Variants in HIVEP1 observed in about 807,000 individuals in gnomAD.
HIVEP1 encodes the protein zinc finger protein 40.
HIVEP1 carries 36 observed loss-of-function variants against 180.0 expected under a neutral mutation model. That is an observed-to-expected ratio of 0.20 (90% confidence interval 0.15 to 0.26). The LOEUF (loss-of-function observed/expected upper bound fraction) is 0.26. HIVEP1 is among the 10% of genes least tolerant of loss of function. The pLI is 1.00. For synonymous variants in HIVEP1, 1,239 were observed against 1,239.0 expected (o/e 1.00, Z 0.00); for missense variants, 3,143 against 3,268.7 (o/e 0.96, Z 0.94).
chr6:12,012,628 G>A (rs1273267907), intron 1 of HIVEP1, 62 bp downstream of exon 1: 6 of 149,032 alleles, frequency 4.0e-5, no homozygotes, highest in South Asian at 2.1e-4. Context: ...GCGGAGGGGG[G>A]GGGGGGCAGG....
chr6:12,020,468 T>G (rs765716318), intron 2 of HIVEP1: 1 of 470,918 alleles, frequency 2.1e-6, no homozygotes, highest in Non-Finnish European at 4.4e-6. Flanking sequence ...CATTCCTTAC[T>G]CATCGCTGCT....
intron 2 of HIVEP1, among the ~76,000 whole-genome samples, chr6:12,067,835 T>C (rs1771699850): frequency 6.6e-6 from 1 of 152,094 alleles, no homozygotes; most frequent in Non-Finnish European, 1.5e-5. Flanking sequence ...CCCAATGTAG[T>C]CTTGAGGAAT....
chr6:12,056,001 T>C (rs2113735053), intron 2 of HIVEP1, among the ~76,000 whole-genome samples: 1 of 152,340 alleles, frequency 6.6e-6, no homozygotes, highest in East Asian at 1.9e-4. Context: ...TATATGCGCT[T>C]GCTCAGCACC....
chr6:12,203,114 C>G, the HIVEP1 span, among the ~76,000 whole-genome samples: 3 of 152,282 alleles, frequency 2.0e-5, no homozygotes, highest in Middle Eastern at 3.4e-3. Flanking sequence ...CTATGTTATC[C>G]CAGAAGAAGT....
intron 2 of HIVEP1, 147 bp from the exon 3 acceptor site, chr6:12,089,037 C>T (rs1218389903): frequency 2.5e-5 from 12 of 478,036 alleles, no homozygotes; most frequent in Admixed American, 7.9e-5. Context: ...ATATATCCTT[C>T]AACAGTTTAT....
chr6:12,186,268 A>G, the HIVEP1 span, among the ~76,000 whole-genome samples: 2 of 150,494 alleles, frequency 1.3e-5, no homozygotes, highest in African/African-American at 4.9e-5. Flanking sequence ...TATTAATAAT[A>G]CATATATACA....
Position 12,161,726 on chromosome 6 carries a change from G to A in HIVEP1, c.6775G>A (p.Val2259Ile). 5 of 1,614,178 alleles carry A rather than the reference G, an allele frequency of 3.1e-6. No individual in the cohort carries two copies. The highest frequency in any genetic ancestry group is 1.7e-5 in the Admixed American group (1 of 60,030). The part of the protein sequence containing the change: ...LPRALLTRMT[V>I]LSTAQSDYNR... ...CAGGGCGCTGCTCACCAGAATGACT[G>A]TCCTGAGCACAGCACAGTCTGACTA... Residue 2259 changes from valine to isoleucine, a missense_variant, in exon 8 of 9, where the codon GTC (valine) becomes ATC (isoleucine). Val to Ile is a conservative substitution (Grantham distance 29). Around this residue, in one of 12 missense-constraint regions of HIVEP1, gnomAD observed 595 missense variants for 602.2 expected, o/e 0.99. Coordinates refer to ENST00000379388, the MANE Select transcript of HIVEP1 (RefSeq NM_002114.4).
intron 2 of HIVEP1, among the ~76,000 whole-genome samples, chr6:12,078,937 T>C (rs909588386): frequency 6.6e-5 from 10 of 152,086 alleles, no homozygotes; most frequent in African/African-American, 2.2e-4. Flanking sequence ...CCCGTGTGTG[T>C]GCGTGCGTGT....
At chr6:12,104,810 A>G (rs978889469) in intron 3 of HIVEP1, among the ~76,000 whole-genome samples, 4 of 151,880 alleles carry the variant, frequency 2.6e-5, no homozygotes, top group African/African-American at 9.7e-5. Context: ...TCAATTCTGT[A>G]ATTTATATTT....
the HIVEP1 span, among the ~76,000 whole-genome samples, chr6:12,202,310 T>C: frequency 6.6e-6 from 1 of 151,520 alleles, no homozygotes; most frequent in Non-Finnish European, 1.5e-5. Flanking sequence ...CTAATTTTTT[T>C]TTTCTTTTGG....
chr6:12,131,624 AGG>A (rs1184493465), intron 6 of HIVEP1, among the ~76,000 whole-genome samples: 2 of 151,788 alleles, frequency 1.3e-5, no homozygotes. Context: ...TACATATAAT[AGG>A]TATACTACTT....
chr6:12,008,390 C>T (rs1265037717), upstream of HIVEP1: 3 of 152,168 alleles, frequency 2.0e-5, no homozygotes, highest in Non-Finnish European at 4.4e-5. Context: ...GTTTGTGCTA[C>T]GGGTGGAGGG....
At chr6:12,075,595 T>A (rs547644663) in intron 2 of HIVEP1, among the ~76,000 whole-genome samples, 1 of 152,120 alleles carries the variant, frequency 6.6e-6, no homozygotes, top group Non-Finnish European at 1.5e-5. Context: ...TGGGCCTTTT[T>A]TTTTTTTCTA....
the HIVEP1 span, among the ~76,000 whole-genome samples, chr6:12,186,271 T>G: frequency 6.6e-6 from 1 of 150,464 alleles, no homozygotes; most frequent in Non-Finnish European, 1.5e-5. Flanking sequence ...TAATAATACA[T>G]ATATACATAT....
intron 7 of HIVEP1, among the ~76,000 whole-genome samples, chr6:12,143,120 G>T (rs1455838328): frequency 6.6e-6 from 1 of 152,126 alleles, no homozygotes; most frequent in Non-Finnish European, 1.5e-5. Context: ...GATGAACATC[G>T]ATGTGAAAAT....
intron 6 of HIVEP1, among the ~76,000 whole-genome samples, chr6:12,134,796 C>A (rs1397472881): frequency 6.6e-6 from 1 of 152,146 alleles, no homozygotes; most frequent in East Asian, 1.9e-4. Flanking sequence ...CATGGTCATA[C>A]TTAAAGAGGT....
At position 12,120,256 on chromosome 6, in the gene HIVEP1, C is replaced by T. The variant is rs1463257285; in HGVS notation, c.461C>T (p.Ala154Val). 1 of 1,614,144 alleles carries T rather than the reference C, an allele frequency of 6.2e-7. No individual in the cohort carries two copies. The highest frequency in any genetic ancestry group is 1.1e-5 in the South Asian group (1 of 91,066). ...RRWRSEGADPAKFSDLDEQCD... is the reference protein window; with the variant it reads ...RRWRSEGADPVKFSDLDEQCD... ...TGGAGATCCGAAGGCGCTGATCCTG[C>T]CAAATTCAGTGACCTCGATGAACAA... The change falls in exon 4 of 9, where the codon GCC becomes GTC. Residue 154 changes from alanine (A) to valine (V), a missense_variant. By Grantham distance (64) the Ala-to-Val change is moderately conservative. Transcript: ENST00000379388.
chr6:12,127,900 A>G (rs1256361412), intron 4 of HIVEP1, among the ~76,000 whole-genome samples: 1 of 152,238 alleles, frequency 6.6e-6, no homozygotes, highest in Non-Finnish European at 1.5e-5. Context: ...TCTATGAGCA[A>G]GTGGCTATGG....
Position 12,120,444 on chromosome 6 carries a change from T to G in HIVEP1, c.649T>G (p.Cys217Gly). 6.2e-7 allele frequency: 1 copy of G among 1,614,190 alleles called. No homozygotes were observed. Among genetic ancestry groups the G allele is most frequent in the Non-Finnish European group, 8.5e-7 (1 of 1,180,032 alleles). The change falls in exon 4 of 9, where the codon TGT becomes GGT. Residue 217 changes from cysteine (C) to glycine (G), a missense_variant. Physicochemically the swap from Cys to Gly is radical, Grantham distance 159. Transcript: ENST00000379388. Reference protein sequence around the residue: ...LSTLSQKGSPCAIKTEKLRPN... With the variant: ...LSTLSQKGSPGAIKTEKLRPN... Reference sequence around the variant, plus strand: ...CACCTTGTCACAAAAGGGCTCACCTTGTGCAATTAAGACAGAAAAACTGAG... The same window carrying G: ...CACCTTGTCACAAAAGGGCTCACCTGGTGCAATTAAGACAGAAAAACTGAG...
Sources: allele counts gnomAD v4.1 joint callset (sites outside exome capture counted in the v4.1 genomes callset), GRCh38; gene constraint gnomAD v4.1.1; regional missense constraint gnomAD v4.1.1; transcripts MANE v1.5; gene names NCBI Gene and HGNC (gene_info 2026-07-23, HGNC 2026-07-21).